RBMS3: variants seen among roughly 807,000 people sequenced by gnomAD.
RBMS3 encodes the protein RNA binding motif single stranded interacting protein 3, also known as RNA-binding motif, single-stranded-interacting protein 3.
A neutral mutation model predicts 66.8 loss-of-function variants in RBMS3; 27 were observed. The observed-to-expected ratio is 0.40, with a 90% CI of 0.30 to 0.56. The LOEUF (loss-of-function observed/expected upper bound fraction) is 0.56. Ranked by LOEUF, RBMS3 falls within the 20% of genes least tolerant of loss-of-function variation. RBMS3 has a pLI of 0.40. For synonymous variants in RBMS3, 188 were observed against 183.0 expected (o/e 1.03, Z -0.22); for missense variants, 513 against 549.5 (o/e 0.93, Z 0.66).
rs76824377 is a variant in RBMS3, at chr3:29,525,819, A to G, written c.307+37320A>G. 5.8e-3 allele frequency among the ~76,000 whole-genome samples: 888 copies of G among 152,262 alleles called. 10 individuals carry two copies. Among genetic ancestry groups the G allele is most frequent in the African/African-American group, 0.02 (851 of 41,550 alleles). ...CTCCTCACAGTTGTCTACACTGGGT[A>G]TGAATCTGGAACTGCTGCCAATTTT... is the stretch of plus-strand genomic sequence containing the variant. On this transcript the variant is annotated intron_variant, in intron 3 of 14. Coordinates refer to ENST00000383767, the MANE Select transcript of RBMS3 (RefSeq NM_001003793.3).
intron 6 of RBMS3, among the ~76,000 whole-genome samples, chr3:29,828,510 A>G (rs976886919): frequency 5.3e-5 from 8 of 152,314 alleles, no homozygotes; most frequent in Middle Eastern, 3.4e-3. Context: ...ATCCTTTGTG[A>G]TGTAAGAGGA....
chr3:29,963,529 A>G (rs1399558404), intron 12 of RBMS3, among the ~76,000 whole-genome samples: 3 of 152,202 alleles, frequency 2.0e-5, no homozygotes, highest in African/African-American at 7.2e-5. Flanking sequence ...GAGAATCACA[A>G]TGAACATTTT....
chr3:29,707,462 C>T (rs547786447), intron 4 of RBMS3, among the ~76,000 whole-genome samples: 3 of 152,262 alleles, frequency 2.0e-5, no homozygotes, highest in South Asian at 2.1e-4. Flanking sequence ...TTTGAAAATA[C>T]GGTTCCATGT....
At chr3:29,887,178 G>A (rs868722704) in intron 8 of RBMS3, among the ~76,000 whole-genome samples, 2 of 151,700 alleles carry the variant, frequency 1.3e-5, no homozygotes, top group East Asian at 1.9e-4. Context: ...TGTAATGACC[G>A]ACCGAAACTG....
intron 10 of RBMS3, among the ~76,000 whole-genome samples, chr3:29,911,017 T>A (rs963984566): frequency 2.6e-5 from 4 of 151,968 alleles, no homozygotes; most frequent in Non-Finnish European, 5.9e-5. Flanking sequence ...AGAAAACAAA[T>A]AATTCTAATA....
intron 1 of RBMS3, among the ~76,000 whole-genome samples, chr3:29,347,206 A>C (rs937602448): frequency 6.6e-6 from 1 of 152,220 alleles, no homozygotes; most frequent in Non-Finnish European, 1.5e-5. Context: ...TTCTTTTTAA[A>C]ATAAGATCTG....
intron 10 of RBMS3, among the ~76,000 whole-genome samples, chr3:29,900,899 G>A (rs939842942): frequency 2.0e-5 from 3 of 151,716 alleles, no homozygotes; most frequent in Non-Finnish European, 2.9e-5. Context: ...AGCTAAATAC[G>A]CAGACATCCA....
chr3:29,490,870 C>T (rs975128213), intron 3 of RBMS3, among the ~76,000 whole-genome samples: 1 of 152,000 alleles, frequency 6.6e-6, no homozygotes, highest in African/African-American at 2.4e-5. Flanking sequence ...TATACAAAGT[C>T]TTGGGTCAGA....
intron 11 of RBMS3, among the ~76,000 whole-genome samples, chr3:29,938,255 G>T (rs2061314060): frequency 6.6e-6 from 1 of 151,918 alleles, no homozygotes; most frequent in African/African-American, 2.4e-5. Context: ...GAACACATTT[G>T]TAAGGGACCA....
intron 1 of RBMS3, among the ~76,000 whole-genome samples, chr3:29,431,163 CA>C (rs1335008899): frequency 6.6e-6 from 1 of 152,052 alleles, no homozygotes; most frequent in African/African-American, 2.4e-5. Flanking sequence ...CTATTTAATC[CA>C]AATACCAGGA....
At chr3:29,325,573 T>TAC (rs577621971) in intron 1 of RBMS3, among the ~76,000 whole-genome samples, 1 of 151,520 alleles carries the variant, frequency 6.6e-6, no homozygotes, top group South Asian at 2.1e-4. Flanking sequence ...TGTATATATA[T>TAC]ACATGTGTGT....
chr3:30,003,949 G>A lies in RBMS3; in HGVS notation c.*87G>A, dbSNP rs374037454. 1.5e-4 allele frequency: 164 copies of A among 1,127,592 alleles called. No homozygotes were observed. The Middle Eastern group carries it at 1.8e-3, about 12-fold the overall frequency. The allele number at this position is 1,127,592 out of a possible 1,614,324, so 69.8% of individuals were successfully genotyped here. A position where few individuals can be genotyped will look rare whatever the true frequency, so the allele number is the denominator to read the frequency against. On this transcript the variant is annotated 3_prime_UTR_variant, in exon 15 of 15. Transcript: ENST00000383767. ...AAGTTGGCTTCCAGTTTGCACAGAC[G>A]TCAATGGAATGCATTTTTTTGTTGT... is the stretch of plus-strand genomic sequence containing the variant.
chr3:29,772,408 T>C (rs1237522351), intron 6 of RBMS3, among the ~76,000 whole-genome samples: 1 of 152,064 alleles, frequency 6.6e-6, no homozygotes, highest in Non-Finnish European at 1.5e-5. Flanking sequence ...TATTAAATAG[T>C]CTCTGAAAAA....
At chr3:29,454,092 G>A (rs1436937555) in intron 2 of RBMS3, among the ~76,000 whole-genome samples, 1 of 152,104 alleles carries the variant, frequency 6.6e-6, no homozygotes, top group Admixed American at 6.5e-5. Context: ...CCCTTTTTCT[G>A]CCAGAACTTC....
Position 29,532,237 on chromosome 3 carries a change from CAT to C in RBMS3, c.307+43745_307+43746del, listed in dbSNP as rs71688232. On this transcript the variant is annotated intron_variant, in intron 3 of 14. Coordinates refer to ENST00000383767, the MANE Select transcript of RBMS3 (RefSeq NM_001003793.3). The stretch of plus-strand genomic sequence containing the variant: ...ATCTTTCAGTCTTATTTTAATTTCG[CAT>C]ATATATGTATATATATATATATGTA... 8.8e-3 allele frequency among the ~76,000 whole-genome samples: 808 copies of C among 92,122 alleles called. 28 individuals are homozygous for C. The highest frequency in any genetic ancestry group is 0.07 in the Admixed American group (689 of 9,776). 60.4% of individuals were successfully genotyped at this position (92,122 alleles called of 152,430 possible).
At chr3:29,902,980 AAG>A (rs1320345495) in intron 10 of RBMS3, 1 of 152,012 alleles carries the variant, frequency 6.6e-6, no homozygotes, top group African/African-American at 2.4e-5. Context: ...AACAACTGGT[AAG>A]AGAGAAATGA....
At chr3:29,391,607 G>T (rs1203995812) in intron 1 of RBMS3, among the ~76,000 whole-genome samples, 1 of 152,040 alleles carries the variant, frequency 6.6e-6, no homozygotes, top group Non-Finnish European at 1.5e-5. Flanking sequence ...AGTATTCCTA[G>T]CATGCTATTT....
chr3:29,456,173 A>G (rs1257345246), intron 2 of RBMS3, among the ~76,000 whole-genome samples: 1 of 152,204 alleles, frequency 6.6e-6, no homozygotes. Context: ...GTTTCTGTGG[A>G]GTATTTTATA....
intron 12 of RBMS3, among the ~76,000 whole-genome samples, chr3:29,970,483 A>T (rs543537759): frequency 6.6e-6 from 1 of 152,044 alleles, no homozygotes; most frequent in African/African-American, 2.4e-5. Flanking sequence ...CGCCTCTCTT[A>T]ATGTTCAGAC....
Sources: gnomAD v4.1 joint callset for allele counts (sites outside exome capture counted in the v4.1 genomes callset) on GRCh38, gnomAD v4.1.1 for gene constraint, MANE v1.5 for transcripts, NCBI Gene and HGNC (gene_info 2026-07-23, HGNC 2026-07-21) for gene names.